FANCD2OS: variants seen among roughly 807,000 people sequenced by gnomAD.
FANCD2OS encodes the protein FANCD2 opposite strand, also known as FANCD2 opposite strand protein.
FANCD2OS carries 11 observed loss-of-function variants against 13.2 expected under a neutral mutation model. The ratio of observed to expected loss-of-function variants is 0.83; its 90% confidence interval spans 0.52 to 1.38. The LOEUF (loss-of-function observed/expected upper bound fraction) is 1.38, where lower values mean the gene tolerates loss of function less well. Ranked by LOEUF, FANCD2OS falls within the 40% of genes most tolerant of loss-of-function variation. FANCD2OS has a pLI of 0.00. For synonymous variants in FANCD2OS, 69 were observed against 84.5 expected (o/e 0.82, Z 1.01); for missense variants, 217 against 213.9 (o/e 1.01, Z -0.09).
At chr3:10,082,174 C>T (rs565586499) in intron 2 of FANCD2OS, among the ~76,000 whole-genome samples, 1 of 152,322 alleles carries the variant, frequency 6.6e-6, no homozygotes, top group Non-Finnish European at 1.5e-5. Context: ...TAAATGGTAC[C>T]ACCAGTTGCC....
chr3:10,095,152 A>G, intron 2 of FANCD2OS: 1 of 1,498,338 alleles, frequency 6.7e-7, no homozygotes, highest in Non-Finnish European at 9.3e-7. Context: ...TGAATCTAAA[A>G]TGAAATCAGG....
chr3:10,096,562 C>A, intron 2 of FANCD2OS: 2 of 1,217,486 alleles, frequency 1.6e-6, no homozygotes, highest in Non-Finnish European at 2.4e-6. Context: ...CCTAAGCCCT[C>A]GTCTCTCAGT....
intron 2 of FANCD2OS, chr3:10,088,455 T>G: frequency 6.2e-7 from 1 of 1,605,448 alleles, no homozygotes; most frequent in Non-Finnish European, 8.5e-7. Context: ...ACAGCTTCCC[T>G]TGCCAGACAA....
Position 10,104,639 on chromosome 3 carries a change from G to C in FANCD2OS, c.136C>G (p.Leu46Val). ...SPCFPHTPSD[L>V]EVQLCFQEVT... ...TCTTGAAAGCACAGCTGCACTTCAAGGTCGGACGGTGTGTGTGGGAAGCAG... is the reference window on the plus strand; with the variant it reads ...TCTTGAAAGCACAGCTGCACTTCAACGTCGGACGGTGTGTGTGGGAAGCAG... Residue 46 changes from leucine (L) to valine (V), a missense_variant, in exon 2 of 2, where the codon CTT (leucine) becomes GTT (valine). By Grantham distance (32) the Leu-to-Val change is conservative. Transcript: ENST00000450660. 1 of 1,614,192 alleles carries C rather than the reference G, an allele frequency of 6.2e-7. No homozygotes were observed. Among genetic ancestry groups the C allele is most frequent in the Non-Finnish European group, 8.5e-7 (1 of 1,180,050 alleles).
In FANCD2OS at chr3:10,104,539, A is replaced by G; in HGVS notation, c.236T>C (p.Leu79Ser). 6.2e-7 allele frequency: 1 copy of G among 1,614,196 alleles called. No homozygotes were observed. Among genetic ancestry groups the G allele is most frequent in the African/African-American group, 1.3e-5 (1 of 75,032 alleles). The change falls in exon 2 of 2, where the codon TTG becomes TCG. Residue 79 changes from leucine to serine, a missense_variant. By Grantham distance (145) the Leu-to-Ser change is moderately radical. Coordinates refer to ENST00000450660, the MANE Select transcript of FANCD2OS (RefSeq NM_001164839.2). ...SPKLPCHTSE[L>S]RTMNNKGLVR... Reference sequence around the variant, plus strand: ...CAGTCCTTTGTTGTTCATCGTGCGCAACTCTGATGTGTGGCAGGGTAACTT... The same window carrying G: ...CAGTCCTTTGTTGTTCATCGTGCGCGACTCTGATGTGTGGCAGGGTAACTT...
At chr3:10,085,891 G>T in intron 2 of FANCD2OS, 1 of 1,613,296 alleles carries the variant, frequency 6.2e-7, no homozygotes, top group South Asian at 1.1e-5. Context: ...GAAACAGGGA[G>T]AACACAGCCA....
chr3:10,087,030 G>GC (rs1694247327), intron 2 of FANCD2OS: 1 of 1,215,834 alleles, frequency 8.2e-7, no homozygotes, highest in Admixed American at 1.7e-5. Context: ...TTCTGATTAG[G>GC]CCGTCAAACA....
intron 2 of FANCD2OS, among the ~76,000 whole-genome samples, chr3:10,084,463 C>G (rs1694057015): frequency 1.3e-5 from 2 of 149,122 alleles, no homozygotes; most frequent in African/African-American, 4.9e-5. Flanking sequence ...CTGATTTTTC[C>G]TTTTTTTTTT....
chr3:10,104,704 G>C lies in FANCD2OS; in HGVS notation c.71C>G (p.Thr24Arg), dbSNP rs768806307. The C allele has an allele frequency of 6.2e-6, 10 of 1,612,118 alleles. No individual in the cohort carries two copies. Among genetic ancestry groups the C allele is most frequent in the Middle Eastern group, 1.6e-4 (1 of 6,064 alleles). Reference protein sequence around the residue: ...DESFQWLRHTTPTPSSKHPFK... With the variant: ...DESFQWLRHTRPTPSSKHPFK... ...TGGGTGCTTGGAGGAAGGTGTAGGT[G>C]TCGTGTGCCGCAGCCATTGGAAACT... The change falls in exon 2 of 2, where the codon ACA becomes AGA. Residue 24 changes from threonine to arginine, a missense_variant. Coordinates refer to ENST00000450660, the MANE Select transcript of FANCD2OS (RefSeq NM_001164839.2).
chr3:10,085,424 G>T (rs764866110), intron 2 of FANCD2OS, among the ~76,000 whole-genome samples: 1 of 135,446 alleles, frequency 7.4e-6, no homozygotes, highest in African/African-American at 2.9e-5. Context: ...ATGGAGTCTC[G>T]CTCTGTCGCC....
Position 10,104,583 on chromosome 3 carries a change from C to G in FANCD2OS, c.192G>C (p.Leu64=). The G allele has an allele frequency of 6.2e-7, 1 of 1,614,184 alleles. No individual in the cohort carries two copies. The highest frequency in any genetic ancestry group is 8.5e-7 in the Non-Finnish European group (1 of 1,180,038). Residue 64 remains leucine (L), a synonymous_variant, in exon 2 of 2, where the codon CTG becomes CTC. Transcript: ENST00000450660. The part of the protein sequence containing the change: ...EVTLVLDSPF[L]ESGVSPKLPC... ...GTAACTTGGGACTCACTCCAGATTC[C>G]AGGAATGGGCTGTCTAGGACTAGAG...
downstream of FANCD2OS, chr3:10,102,880 A>T (rs1695358255): frequency 1.1e-5 from 2 of 183,670 alleles, no homozygotes; most frequent in South Asian, 8.3e-5. Context: ...AAAATAAAAT[A>T]AAAAAGCAGC....
At chr3:10,091,832 C>T (rs1312075140) in intron 2 of FANCD2OS, among the ~76,000 whole-genome samples, 4 of 152,194 alleles carry the variant, frequency 2.6e-5, no homozygotes, top group African/African-American at 7.2e-5. Context: ...CAGTGGCGCA[C>T]GTCTGTAATC....
At chr3:10,088,837 G>A in intron 2 of FANCD2OS, 1 of 1,614,052 alleles carries the variant, frequency 6.2e-7, no homozygotes, top group Non-Finnish European at 8.5e-7. Flanking sequence ...GTATCTACCT[G>A]GAGCACACAG....
intron 2 of FANCD2OS, chr3:10,085,711 G>A (rs951909943): frequency 1.3e-5 from 11 of 833,198 alleles, no homozygotes; most frequent in Admixed American, 3.4e-5. Context: ...TTTTCAAACC[G>A]TTAAACTATT....
At chr3:10,092,042 G>A in intron 2 of FANCD2OS, 1 of 777,418 alleles carries the variant, frequency 1.3e-6, no homozygotes, top group Non-Finnish European at 2.4e-6. Context: ...TCTTGTGGAT[G>A]CACTGGTTGC....
At chr3:10,107,271 CAGG>C (rs1174962810) in intron 1 of FANCD2OS, among the ~76,000 whole-genome samples, 3 of 150,488 alleles carry the variant, frequency 2.0e-5, no homozygotes, top group African/African-American at 7.4e-5. Flanking sequence ...TATTTAATCC[CAGG>C]ATCCTTTTCT....
chr3:10,101,599 G>A, downstream of FANCD2OS: 1 of 367,152 alleles, frequency 2.7e-6, no homozygotes, highest in Non-Finnish European at 5.1e-6. Flanking sequence ...TCGGCCAGAT[G>A]GTCTCAATCT....
In FANCD2OS at chr3:10,104,057, C is replaced by T; in HGVS notation, c.*184G>A. On this transcript the variant is annotated 3_prime_UTR_variant, in exon 2 of 2. Transcript: ENST00000450660. ...TACAATGGGAATGTTCTTCCTTGTT[C>T]TCTATCATTGGTCCTTTTTTGGAGG... 1 of 594,346 alleles carries T rather than the reference C, an allele frequency of 1.7e-6. No homozygotes were observed. The highest frequency in any genetic ancestry group is 2.9e-6 in the Non-Finnish European group (1 of 341,958). 36.8% of individuals were successfully genotyped at this position (594,346 alleles called of 1,614,324 possible). A position where few individuals can be genotyped will look rare whatever the true frequency, so the allele number is the denominator to read the frequency against.
Sources: allele counts gnomAD v4.1 joint callset (sites outside exome capture counted in the v4.1 genomes callset), GRCh38; gene constraint gnomAD v4.1.1; transcripts MANE v1.5; gene names NCBI Gene and HGNC (gene_info 2026-07-23, HGNC 2026-07-21).